The following FMO2 variants were observed in gnomAD, a reference collection of about 807,000 sequenced individuals.
FMO2 encodes flavin containing dimethylaniline monoxygenase 2.
A neutral mutation model predicts 41.6 loss-of-function variants in FMO2; 33 were observed. That is an observed-to-expected ratio of 0.79 (90% CI 0.60 to 1.06). The LOEUF is 1.06. FMO2 is among the 50% of genes least tolerant of loss of function. FMO2 has a pLI of 0.00. For missense variants in FMO2, 619 were observed against 632.9 expected (o/e 0.98, Z 0.23); for synonymous variants, 214 against 219.6 (o/e 0.97, Z 0.23).
chr1:171,195,339 T>C (rs920445037), intron 3 of FMO2, among the ~76,000 whole-genome samples: 1 of 152,302 alleles, frequency 6.6e-6, no homozygotes, highest in East Asian at 1.9e-4. Flanking sequence ...GGATATCTTG[T>C]TAAAAATGTA....
Position 171,208,862 on chromosome 1 carries a change from A to T in FMO2, c.1325A>T (p.Glu442Val). ...GACTACTTGGACGAGCTCGCCTTAGAGATAGGTGCGAAGCCAGATTTCTGC... is the reference window on the plus strand; with the variant it reads ...GACTACTTGGACGAGCTCGCCTTAGTGATAGGTGCGAAGCCAGATTTCTGC... Reference protein sequence around the residue: ...YVDYLDELALEIGAKPDFCSL... With the variant: ...YVDYLDELALVIGAKPDFCSL... The change falls in exon 9 of 9, where the codon GAG (glutamate) becomes GTG (valine). Residue 442 changes from glutamate (E) to valine (V), a missense_variant. Glu to Val is a moderately radical substitution (Grantham distance 121). Transcript: ENST00000209929. 6.2e-7 allele frequency: 1 copy of T among 1,613,994 alleles called. No individual in the cohort carries two copies. The highest frequency in any genetic ancestry group is 1.1e-5 in the South Asian group (1 of 91,070).
chr1:171,192,504 G>A (rs1261331259), intron 2 of FMO2, among the ~76,000 whole-genome samples: 3 of 152,192 alleles, frequency 2.0e-5, no homozygotes, highest in Admixed American at 6.5e-5. Flanking sequence ...GGTGGTGCCT[G>A]TAATCCCAGC....
intron 5 of FMO2, among the ~76,000 whole-genome samples, chr1:171,200,205 G>C (rs6662994): frequency 0.15 from 22,123 of 152,020 alleles, 1,656 homozygotes; most frequent in South Asian, 0.15. Flanking sequence ...TAGATATTTA[G>C]GTGCTTCCTG....
intron 2 of FMO2, among the ~76,000 whole-genome samples, chr1:171,187,612 G>A (rs899872779): frequency 7.9e-6 from 1 of 127,154 alleles, no homozygotes; most frequent in African/African-American, 3.1e-5. Context: ...TGATTCCTTT[G>A]GTTAAACCTG....
At chr1:171,191,031 G>C (rs1658063583) in intron 2 of FMO2, among the ~76,000 whole-genome samples, 1 of 152,042 alleles carries the variant, frequency 6.6e-6, no homozygotes, top group South Asian at 2.1e-4. Context: ...TGTAATCCCA[G>C]CTACTCAGGA....
intron 2 of FMO2, among the ~76,000 whole-genome samples, chr1:171,191,201 G>A (rs1346857336): frequency 6.6e-6 from 1 of 151,756 alleles, no homozygotes; most frequent in Non-Finnish European, 1.5e-5. Flanking sequence ...GGTCATTATT[G>A]TTTGCTGACA....
intron 5 of FMO2, 115 bp from the exon 6 acceptor site, chr1:171,203,750 A>T: frequency 1.1e-6 from 1 of 893,782 alleles, no homozygotes; most frequent in Non-Finnish European, 1.7e-6. Context: ...AATCATCTTT[A>T]AAACAGAACC....
In FMO2 at chr1:171,185,679, G is replaced by A. The variant is rs187633998; in HGVS notation, c.-6-29G>A. ...TTCTCTTACCGGTTGTCCCAGTTAA[G>A]TAATGTTGATTGATCAACTCCTTGA... On this transcript the variant is annotated intron_variant, in intron 1 of 8. Coordinates refer to ENST00000209929, the MANE Select transcript of FMO2 (RefSeq NM_001460.5). The A allele has an allele frequency of 2.2e-5, 36 of 1,612,284 alleles. No individual in the cohort carries two copies. In the African/African-American group the frequency reaches 4.5e-4, roughly 20 times the overall value.
intron 2 of FMO2, 152 bp downstream of exon 2, chr1:171,185,997 T>G: frequency 1.2e-6 from 1 of 822,376 alleles, no homozygotes; most frequent in Non-Finnish European, 1.9e-6. Flanking sequence ...ACTGAAGTCA[T>G]AGGCTGGCAT....
intron 2 of FMO2, among the ~76,000 whole-genome samples, chr1:171,189,146 CGCT>C (rs1657972361): frequency 6.6e-6 from 1 of 152,094 alleles, no homozygotes; most frequent in South Asian, 2.1e-4. Flanking sequence ...TTCTTTCAGC[CGCT>C]AACCTTCTCT....
chr1:171,201,983 G>A (rs1395742465), intron 5 of FMO2, among the ~76,000 whole-genome samples: 1 of 152,130 alleles, frequency 6.6e-6, no homozygotes, highest in Non-Finnish European at 1.5e-5. Flanking sequence ...TGAGATGTGG[G>A]TAGGGACACA....
rs1367860738 is a variant in FMO2 at position 171,209,205 on chromosome 1, A to G, written c.*60A>G. ...GTCACTACCTCCTAAAGAAAAAAAA[A>G]AAGGCTAGAAGAAAAAACATTACAT... On this transcript the variant is annotated 3_prime_UTR_variant, in exon 9 of 9. Coordinates refer to ENST00000209929, the MANE Select transcript of FMO2 (RefSeq NM_001460.5). The G allele has an allele frequency of 9.5e-6, 4 of 421,744 alleles. No individual in the cohort carries two copies. The East Asian group carries it at 1.4e-4, about 15-fold the overall frequency. The allele number at this position is 421,744 out of a possible 1,614,324, so 26.1% of individuals were successfully genotyped here. A position where few individuals can be genotyped will look rare whatever the true frequency, so the allele number is the denominator to read the frequency against.
At chr1:171,205,164 T>G in intron 6 of FMO2, 115 bp from the exon 7 acceptor site, 6 of 603,340 alleles carry the variant, frequency 9.9e-6, no homozygotes, top group Non-Finnish European at 1.7e-5. Context: ...AGTTAGAGTT[T>G]TACAGATATT....
rs1277586890 is a variant in FMO2, at chr1:171,204,067, A to T, written c.827+3A>T. 1 of 1,611,738 alleles carries T rather than the reference A, an allele frequency of 6.2e-7. No individual in the cohort carries two copies. Among genetic ancestry groups the T allele is most frequent in the Non-Finnish European group, 8.5e-7 (1 of 1,178,028 alleles). On this transcript the variant is annotated splice_donor_region_variant and intron_variant, in intron 6 of 8. Transcript: ENST00000209929. ...TATGGCCTTGAGCCTCAAAACAAGT[A>T]GAGTTATTTTGCTTTTTTAATGGTA...
chr1:171,188,035 T>TA (rs963571423), intron 2 of FMO2, among the ~76,000 whole-genome samples: 64 of 82,842 alleles, frequency 7.7e-4, no homozygotes, highest in African/African-American at 4.3e-3. Context: ...CTGGAATTTT[T>TA]TTTTTTTTTT....
rs4534425 is a variant in FMO2, at chr1:171,186,129, A to G, written c.132+284A>G. 141 of 211,054 alleles carry G rather than the reference A, an allele frequency of 6.7e-4. 1 individual carries two copies. The highest frequency in any genetic ancestry group is 2.6e-3 in the African/African-American group (112 of 43,866). 13.1% of individuals were successfully genotyped at this position (211,054 alleles called of 1,614,324 possible). ...TTCTGTCATTCTTTAATACGCTAAT[A>G]TTAGAGAACATTTTACAAAAATAGA... is the stretch of plus-strand genomic sequence containing the variant. On this transcript the variant is annotated intron_variant, in intron 2 of 8. Coordinates refer to ENST00000209929, the MANE Select transcript of FMO2 (RefSeq NM_001460.5).
intron 2 of FMO2, among the ~76,000 whole-genome samples, chr1:171,191,251 T>C (rs1557974791): frequency 6.6e-6 from 1 of 152,198 alleles, no homozygotes; most frequent in African/African-American, 2.4e-5. Context: ...AGTTTTGCCC[T>C]GGCCCTAAGA....
At chr1:171,204,129 C>T (rs1658657584) in intron 6 of FMO2, 65 bp downstream of exon 6, 1 of 1,184,136 alleles carries the variant, frequency 8.4e-7, no homozygotes, top group South Asian at 1.2e-5. Context: ...AAGGTGTCTC[C>T]CTTAACAAAG....
chr1:171,200,525 C>T (rs1263853983), intron 5 of FMO2, among the ~76,000 whole-genome samples: 1 of 152,138 alleles, frequency 6.6e-6, no homozygotes, highest in African/African-American at 2.4e-5. Flanking sequence ...AAATCATTTC[C>T]ATCCTAAGTC....
Sources: allele counts gnomAD v4.1 joint callset (sites outside exome capture counted in the v4.1 genomes callset), GRCh38; gene constraint gnomAD v4.1.1; transcripts MANE v1.5; gene names NCBI Gene and HGNC (gene_info 2026-07-23, HGNC 2026-07-21).